Variants in GRID1 observed in about 807,000 individuals in gnomAD.
GRID1 encodes the protein glutamate receptor ionotropic, delta-1.
In GRID1, 28 loss-of-function variants were observed where a neutral mutation model predicts 98.0. That is an observed-to-expected ratio of 0.29 (90% CI 0.21 to 0.39). The LOEUF (loss-of-function observed/expected upper bound fraction) is 0.39, where lower values mean the gene tolerates loss of function less well. Ranked by LOEUF, GRID1 falls within the 10% of genes least tolerant of loss-of-function variation. The pLI is 1.00. For missense variants in GRID1, 1,111 were observed against 1,340.5 expected (o/e 0.83, Z 2.67); for synonymous variants, 553 against 538.5 (o/e 1.03, Z -0.37).
chr10:86,280,726 C>T (rs572387672), intron 2 of GRID1, among the ~76,000 whole-genome samples: 2 of 152,314 alleles, frequency 1.3e-5, no homozygotes, highest in African/African-American at 4.8e-5. Flanking sequence ...TTCCCCTAAC[C>T]TCCTTTCACT....
At chr10:86,287,665 G>A (rs2607848) in intron 2 of GRID1, among the ~76,000 whole-genome samples, 6,297 of 152,136 alleles carry the variant, frequency 0.041, 245 homozygotes, top group Admixed American at 0.11. Context: ...CCCTGAACAG[G>A]TGACCGCGTA....
At chr10:86,323,945 A>T (rs1347139065) in intron 2 of GRID1, among the ~76,000 whole-genome samples, 1 of 152,192 alleles carries the variant, frequency 6.6e-6, no homozygotes, top group Non-Finnish European at 1.5e-5. Flanking sequence ...TCGGGAGGCC[A>T]AGGTGGGCGA....
At chr10:86,085,480 C>T (rs1487619203) in intron 4 of GRID1, among the ~76,000 whole-genome samples, 1 of 152,194 alleles carries the variant, frequency 6.6e-6, no homozygotes, top group Non-Finnish European at 1.5e-5. Flanking sequence ...CCGGCTGAGA[C>T]ATGTGTACTC....
intron 3 of GRID1, among the ~76,000 whole-genome samples, chr10:86,141,004 C>T (rs1845003068): frequency 6.6e-6 from 1 of 152,074 alleles, no homozygotes; most frequent in Admixed American, 6.6e-5. Context: ...TGTCCATCAG[C>T]AGCCTGGTCC....
chr10:85,802,893 ACATT>A (rs1842590640), intron 8 of GRID1, among the ~76,000 whole-genome samples: 1 of 149,282 alleles, frequency 6.7e-6, no homozygotes. Flanking sequence ...ACACCAAGGA[ACATT>A]CAAATCAAAT....
rs187150525 is a variant in GRID1, at chr10:85,893,488, G to T, written c.780+22698C>A. On this transcript the variant is annotated intron_variant, in intron 5 of 15. Transcript: ENST00000327946. ...GATAGTCTATATCGAAAAATCCCAGGAAATCTAAAACAAAAACCTACCAGA... is the reference window on the plus strand; with the variant it reads ...GATAGTCTATATCGAAAAATCCCAGTAAATCTAAAACAAAAACCTACCAGA... 1.7e-3 allele frequency among the ~76,000 whole-genome samples: 258 copies of T among 152,182 alleles called. 1 individual carries two copies. Among genetic ancestry groups the T allele is most frequent in the African/African-American group, 6.0e-3 (248 of 41,550 alleles).
At chr10:86,117,280 A>ACACCATCAC (rs1410740889) in intron 4 of GRID1, among the ~76,000 whole-genome samples, 4 of 136,428 alleles carry the variant, frequency 2.9e-5, no homozygotes, top group Admixed American at 2.1e-4. Flanking sequence ...ACTAACACCA[A>ACACCATCAC]CACCATCACC....
intron 8 of GRID1, among the ~76,000 whole-genome samples, chr10:85,850,480 T>C (rs1416574605): frequency 6.6e-6 from 1 of 152,178 alleles, no homozygotes; most frequent in East Asian, 1.9e-4. Flanking sequence ...CTGCCAGGCA[T>C]AGAAGGGGAG....
intron 2 of GRID1, among the ~76,000 whole-genome samples, chr10:86,360,339 G>A (rs11201995): frequency 0.27 from 40,840 of 152,146 alleles, 6,369 homozygotes; most frequent in South Asian, 0.47. Flanking sequence ...ACAGTGGTGG[G>A]GGGAAGACTG....
At chr10:86,010,610 G>A (rs1842913266) in intron 4 of GRID1, among the ~76,000 whole-genome samples, 1 of 152,090 alleles carries the variant, frequency 6.6e-6, no homozygotes, top group Non-Finnish European at 1.5e-5. Context: ...CCTGAGCTCA[G>A]GAGTTGGAGA....
At chr10:86,325,439 T>C (rs1848035275) in intron 2 of GRID1, among the ~76,000 whole-genome samples, 1 of 152,128 alleles carries the variant, frequency 6.6e-6, no homozygotes, top group Non-Finnish European at 1.5e-5. Context: ...ATGCTCCCTC[T>C]CGAGACCCAA....
At chr10:86,276,247 G>T (rs1471724914) in intron 2 of GRID1, among the ~76,000 whole-genome samples, 1 of 152,136 alleles carries the variant, frequency 6.6e-6, no homozygotes, top group Middle Eastern at 3.2e-3. Context: ...CTTATAGATT[G>T]CCATCTTCTC....
chr10:86,036,882 A>G (rs1269558072), intron 4 of GRID1, among the ~76,000 whole-genome samples: 1 of 152,230 alleles, frequency 6.6e-6, no homozygotes. Context: ...ATTAGTGGTT[A>G]AAACAATGTA....
At chr10:86,102,741 T>C (rs1844315462) in intron 4 of GRID1, among the ~76,000 whole-genome samples, 1 of 152,032 alleles carries the variant, frequency 6.6e-6, no homozygotes, top group African/African-American at 2.4e-5. Flanking sequence ...TCTTTTTCTG[T>C]TCAAAACCAG....
chr10:86,063,988 C>G (rs960817128), intron 4 of GRID1, among the ~76,000 whole-genome samples: 2 of 152,008 alleles, frequency 1.3e-5, no homozygotes, highest in Non-Finnish European at 2.9e-5. Flanking sequence ...TGTGTCAACC[C>G]CCGATCTAGA....
chr10:85,759,502 ATC>A (rs1842127622), intron 8 of GRID1, among the ~76,000 whole-genome samples: 1 of 152,178 alleles, frequency 6.6e-6, no homozygotes, highest in Admixed American at 6.5e-5. Context: ...CTTGGAATAT[ATC>A]TCTCTGACTT....
intron 4 of GRID1, among the ~76,000 whole-genome samples, chr10:86,062,269 C>G (rs938873260): frequency 6.6e-6 from 1 of 152,050 alleles, no homozygotes; most frequent in East Asian, 1.9e-4. Context: ...GCATCTCATA[C>G]ACACACACAG....
At chr10:85,914,040 T>C (rs1211015432) in intron 5 of GRID1, among the ~76,000 whole-genome samples, 1 of 152,148 alleles carries the variant, frequency 6.6e-6, no homozygotes, top group Non-Finnish European at 1.5e-5. Context: ...CCAACAGGTA[T>C]ACCCCATATC....
intron 8 of GRID1, among the ~76,000 whole-genome samples, chr10:85,803,667 T>C (rs1842597209): frequency 6.6e-6 from 1 of 152,006 alleles, no homozygotes; most frequent in African/African-American, 2.4e-5. Flanking sequence ...GTCAAAAAAC[T>C]GTAATGAAAA....
Sources: gnomAD v4.1 joint callset for allele counts (sites outside exome capture counted in the v4.1 genomes callset) on GRCh38, gnomAD v4.1.1 for gene constraint, MANE v1.5 for transcripts, NCBI Gene and HGNC (gene_info 2026-07-23, HGNC 2026-07-21) for gene names.